Variants in LRP1B observed in about 807,000 individuals in gnomAD.
The protein encoded by LRP1B is low-density lipoprotein receptor-related protein 1B.
A neutral mutation model predicts 556.6 loss-of-function variants in LRP1B; 217 were observed. That is an observed-to-expected ratio of 0.39 (90% confidence interval 0.35 to 0.44). The LOEUF (loss-of-function observed/expected upper bound fraction) is 0.44, where lower values mean the gene tolerates loss of function less well. Ranked by LOEUF, LRP1B falls within the 20% of genes least tolerant of loss-of-function variation. LRP1B has a pLI of 1.00. For synonymous variants in LRP1B, 2,047 were observed against 1,865.8 expected (o/e 1.10, Z -2.50); for missense variants, 5,053 against 5,620.8 (o/e 0.90, Z 3.23).
At chr2:140,489,117 G>C (rs73961417) in intron 57 of LRP1B, among the ~76,000 whole-genome samples, 30 of 152,074 alleles carry the variant, frequency 2.0e-4, no homozygotes, top group Admixed American at 1.4e-3. Context: ...AATAAGAGAA[G>C]GTTCTGGCAA....
intron 17 of LRP1B, among the ~76,000 whole-genome samples, chr2:140,982,517 C>A (rs922858662): frequency 2.6e-5 from 4 of 152,122 alleles, no homozygotes; most frequent in Non-Finnish European, 4.4e-5. Context: ...TAGTCAGTAA[C>A]CCTCACACAA....
intron 2 of LRP1B, among the ~76,000 whole-genome samples, chr2:141,540,388 C>T (rs923298128): frequency 1.3e-5 from 2 of 151,816 alleles, no homozygotes; most frequent in South Asian, 2.1e-4. Context: ...TTAATAGATG[C>T]ATTTATAAGT....
rs943315286 is a variant in LRP1B, at chr2:140,805,903, T to C, written c.5359+7754A>G. 2.0e-5 allele frequency among the ~76,000 whole-genome samples: 3 copies of C among 152,140 alleles called. No homozygotes were observed. In the East Asian group the frequency reaches 5.8e-4, roughly 29 times the overall value. ...TGCATACATACACACACACATATAA[T>C]AGACTGAATATTTGTGTCCCTCAAA... On this transcript the variant is annotated intron_variant, in intron 32 of 90. Transcript: ENST00000389484.
Position 140,514,572 on chromosome 2 carries a change from G to C in LRP1B, c.8269+81C>G, listed in dbSNP as rs1292577840. 3.1e-6 allele frequency: 4 copies of C among 1,310,182 alleles called. No individual in the cohort carries two copies. The African/African-American group carries it at 4.5e-5, about 15-fold the overall frequency. The allele number at this position is 1,310,182 out of a possible 1,614,324, so 81.2% of individuals were successfully genotyped here. A position where few individuals can be genotyped will look rare whatever the true frequency, so the allele number is the denominator to read the frequency against. Reference sequence around the variant, plus strand: ...ATTTTATGTTAATTTTAATAAATTAGCAAATTTTGTGTATGCTATAAAATG... The same window carrying C: ...ATTTTATGTTAATTTTAATAAATTACCAAATTTTGTGTATGCTATAAAATG... On this transcript the variant is annotated intron_variant, in intron 51 of 90. Transcript: ENST00000389484.
At chr2:140,909,035 G>A (rs1166739941) in intron 21 of LRP1B, among the ~76,000 whole-genome samples, 2 of 152,112 alleles carry the variant, frequency 1.3e-5, no homozygotes. Context: ...TTGACCTCAG[G>A]TGATCCACTG....
chr2:140,610,385 T>C (rs1267361598), intron 41 of LRP1B, among the ~76,000 whole-genome samples: 1 of 152,206 alleles, frequency 6.6e-6, no homozygotes, highest in East Asian at 1.9e-4. Context: ...TAAATCAATA[T>C]GTATTTCTGA....
At chr2:140,922,924 T>C in intron 21 of LRP1B, 41 bp downstream of exon 21, 1 of 1,576,822 alleles carries the variant, frequency 6.3e-7, no homozygotes, top group Admixed American at 1.8e-5. Flanking sequence ...GACTCCACAC[T>C]CAGGGAGACC....
intron 31 of LRP1B, among the ~76,000 whole-genome samples, chr2:140,816,943 TC>T (rs1184043886): frequency 2.6e-5 from 4 of 152,146 alleles, no homozygotes; most frequent in African/African-American, 9.6e-5. Context: ...TGGAATAATT[TC>T]TGAATCAGTT....
intron 31 of LRP1B, among the ~76,000 whole-genome samples, chr2:140,816,292 A>T (rs1256280913): frequency 6.6e-6 from 1 of 151,670 alleles, no homozygotes; most frequent in Non-Finnish European, 1.5e-5. Flanking sequence ...TAATTTTTGT[A>T]TTTTTAGTAG....
intron 66 of LRP1B, among the ~76,000 whole-genome samples, chr2:140,401,782 A>G (rs1287680998): frequency 6.6e-6 from 1 of 152,238 alleles, no homozygotes; most frequent in Non-Finnish European, 1.5e-5. Context: ...GTCTCTAGGT[A>G]GAATAACACT....
chr2:140,838,250 C>A (rs567296018), intron 31 of LRP1B, among the ~76,000 whole-genome samples: 33 of 152,266 alleles, frequency 2.2e-4, no homozygotes, highest in African/African-American at 7.5e-4. Context: ...ATATTCTGAA[C>A]AATTCCAGAT....
chr2:140,292,843 T>G (rs1683445924), intron 84 of LRP1B, among the ~76,000 whole-genome samples: 1 of 152,106 alleles, frequency 6.6e-6, no homozygotes, highest in Non-Finnish European at 1.5e-5. Context: ...AGAAGACAAA[T>G]GGTAAAAATA....
Position 141,126,222 on chromosome 2 carries a change from C to T in LRP1B, c.1013+62199G>A, listed in dbSNP as rs372887214. 1.1e-4 allele frequency among the ~76,000 whole-genome samples: 17 copies of T among 152,074 alleles called. No individual in the cohort carries two copies. The South Asian group carries it at 1.9e-3, about 17-fold the overall frequency. ...AATTTTTTTGTATTTTTAGTAGAGA[C>T]GGGGTTTTGCCATATTGGCCAGGCT... On this transcript the variant is annotated intron_variant, in intron 7 of 90. Coordinates refer to ENST00000389484, the MANE Select transcript of LRP1B (RefSeq NM_018557.3).
At chr2:141,427,468 G>C (rs1680412220) in intron 3 of LRP1B, among the ~76,000 whole-genome samples, 1 of 152,162 alleles carries the variant, frequency 6.6e-6, no homozygotes, top group Non-Finnish European at 1.5e-5. Context: ...GGACTTCAAA[G>C]TTTACAGCAA....
At chr2:140,309,951 T>TG (rs1684227603) in intron 83 of LRP1B, among the ~76,000 whole-genome samples, 1 of 151,746 alleles carries the variant, frequency 6.6e-6, no homozygotes, top group African/African-American at 2.4e-5. Flanking sequence ...ACATAATCCT[T>TG]GGGACATATT....
At chr2:140,291,485 G>T (rs886645932) in intron 84 of LRP1B, among the ~76,000 whole-genome samples, 1 of 150,470 alleles carries the variant, frequency 6.6e-6, no homozygotes, top group Admixed American at 6.6e-5. Context: ...AACAGGCCCC[G>T]GTGTGTGATG....
Position 141,534,605 on chromosome 2 carries a change from A to G in LRP1B, c.206-54072T>C, listed in dbSNP as rs202005240. 1.2e-4 allele frequency among the ~76,000 whole-genome samples: 19 copies of G among 152,190 alleles called. No homozygotes were observed. In the East Asian group the frequency reaches 3.5e-3, roughly 28 times the overall value. ...AGCTCAACACACACAGAACAGGGAA[A>G]CAAATTTGTATATATATAAAAGTTG... On this transcript the variant is annotated intron_variant, in intron 2 of 90. Transcript: ENST00000389484.
intron 3 of LRP1B, among the ~76,000 whole-genome samples, chr2:141,373,861 A>G (rs895729593): frequency 4.6e-5 from 7 of 150,988 alleles, no homozygotes; most frequent in African/African-American, 1.7e-4. Flanking sequence ...TCTTTGTTTT[A>G]TTTTGGTATT....
intron 35 of LRP1B, among the ~76,000 whole-genome samples, chr2:140,727,635 G>A (rs1228806794): frequency 1.3e-5 from 2 of 152,110 alleles, no homozygotes; most frequent in African/African-American, 4.8e-5. Context: ...TACTAAATGT[G>A]GTCAATTTCA....
Sources: allele counts gnomAD v4.1 joint callset (sites outside exome capture counted in the v4.1 genomes callset), GRCh38; gene constraint gnomAD v4.1.1; transcripts MANE v1.5; gene names NCBI Gene and HGNC (gene_info 2026-07-23, HGNC 2026-07-21).